The following SP3 variants were observed in gnomAD, a reference collection of about 807,000 sequenced individuals.
The protein encoded by SP3 is Sp3 transcription factor, also known as transcription factor Sp3.
A neutral mutation model predicts 70.3 loss-of-function variants in SP3; 10 were observed. The observed-to-expected ratio is 0.14, with a 90% CI of 0.09 to 0.24. The LOEUF is 0.24. Among genes scored for constraint, SP3 ranks in the 10% least tolerant of loss-of-function variants. SP3 has a pLI of 1.00. For missense variants in SP3, 825 were observed against 914.6 expected (o/e 0.90, Z 1.26); for synonymous variants, 402 against 333.5 (o/e 1.21, Z -2.24).
chr2:173,910,409 C>T (rs1213510056), intron 6 of SP3, 152 bp from the exon 7 acceptor site: 2 of 605,564 alleles, frequency 3.3e-6, no homozygotes, highest in Non-Finnish European at 5.7e-6. Flanking sequence ...GCTACCCCTG[C>T]CAGATTTCTC....
Position 173,918,606 on chromosome 2 carries a change from C to G in SP3, c.1819G>C (p.Glu607Gln). 1.2e-6 allele frequency: 2 copies of G among 1,613,292 alleles called. No homozygotes were observed. The highest frequency in any genetic ancestry group is 1.7e-6 in the Non-Finnish European group (2 of 1,179,482). ...ATGTATGCATACCTTCCACCACCTT[C>G]TTTACAGTTGGGACAGGTGCAAGCT... ...RVACTCPNCK[E>Q]GGGRGTNLGK... Residue 607 changes from glutamate to glutamine, a missense_variant, in exon 5 of 7, where the codon GAA (glutamate) becomes CAA (glutamine). Glu to Gln is a conservative substitution (Grantham distance 29). This residue lies in a region of SP3 where 37 missense variants were observed against 66.2 expected (regional missense o/e 0.56). Transcript: ENST00000310015.
At position 173,928,696 on chromosome 2, in the gene SP3, G is replaced by A. The variant is rs972590329; in HGVS notation, c.1640-9911C>T. On this transcript the variant is annotated intron_variant, in intron 4 of 6. Coordinates refer to ENST00000310015, the MANE Select transcript of SP3 (RefSeq NM_003111.5). ...AAGCTTCATTGTTTTCTATTTTCCC[G>A]TGTCTGCTACCTAAATCATCTCTGC... 2.6e-4 allele frequency among the ~76,000 whole-genome samples: 40 copies of A among 152,004 alleles called. 1 individual carries two copies. Among genetic ancestry groups the A allele is most frequent in the African/African-American group, 9.2e-4 (38 of 41,384 alleles).
At chr2:173,920,514 G>T (rs1046831640) in intron 4 of SP3, among the ~76,000 whole-genome samples, 1 of 152,042 alleles carries the variant, frequency 6.6e-6, no homozygotes, top group Non-Finnish European at 1.5e-5. Context: ...ATAGGGAAGG[G>T]TATGCATGTG....
At chr2:173,918,447 C>T in intron 5 of SP3, 146 bp downstream of exon 5, 2 of 738,344 alleles carry the variant, frequency 2.7e-6, no homozygotes, top group Non-Finnish European at 4.3e-6. Context: ...ATATTTTGTT[C>T]TCTAACTTCT....
At chr2:173,913,481 T>G (rs1256431866) in intron 5 of SP3, 1 of 340,872 alleles carries the variant, frequency 2.9e-6, no homozygotes, top group East Asian at 4.6e-5. Context: ...AGAATTAATG[T>G]GATTGTTGTC....
intron 4 of SP3, among the ~76,000 whole-genome samples, chr2:173,945,906 A>G (rs1296659222): frequency 6.6e-6 from 1 of 152,140 alleles, no homozygotes; most frequent in Non-Finnish European, 1.5e-5. Flanking sequence ...TGGACGGATC[A>G]TTTGAGGTCA....
chr2:173,904,143 C>T lies in SP3; in HGVS notation c.*5798G>A, dbSNP rs1402817660. Among the ~76,000 whole-genome samples, 2 of 152,152 alleles carry T rather than the reference C, an allele frequency of 1.3e-5. No individual in the cohort carries two copies. The highest frequency in any genetic ancestry group is 1.3e-4 in the Admixed American group (2 of 15,284). On this transcript the variant is annotated 3_prime_UTR_variant, in exon 7 of 7. Transcript: ENST00000310015. ...CCTATGAGAATCTAATGTTGTGGCT[C>T]ATCTGACAGGAGGCAGAGCTCAGGC...
intron 4 of SP3, among the ~76,000 whole-genome samples, chr2:173,930,939 C>T (rs1690049265): frequency 6.6e-6 from 1 of 152,076 alleles, no homozygotes; most frequent in Non-Finnish European, 1.5e-5. Context: ...TTTCATTTAA[C>T]CTAATATAGA....
intron 1 of SP3, 154 bp from the exon 2 acceptor site, chr2:173,964,707 TCCCTCCTCCCC>T: frequency 3.7e-6 from 1 of 270,510 alleles, no homozygotes; most frequent in Non-Finnish European, 6.4e-6. Flanking sequence ...CGGCGGCGGC[TCCCTCCTCCCC>T]TCCTGCTGCT....
chr2:173,951,241 T>C lies in SP3; in HGVS notation c.1639+3632A>G, dbSNP rs554408850. ...ATTAAAAACTAGTTTCTAAAAACTA[T>C]CTTTTATGTCTTCAGTAGTCTGTCA... On this transcript the variant is annotated intron_variant, in intron 4 of 6. Coordinates refer to ENST00000310015, the MANE Select transcript of SP3 (RefSeq NM_003111.5). Among the ~76,000 whole-genome samples, 27 of 152,326 alleles carry C rather than the reference T, an allele frequency of 1.8e-4. 1 individual carries two copies. In the South Asian group the frequency reaches 5.4e-3, roughly 30 times the overall value.
intron 3 of SP3, among the ~76,000 whole-genome samples, chr2:173,956,459 C>T (rs1389475860): frequency 6.6e-6 from 1 of 152,136 alleles, no homozygotes; most frequent in Non-Finnish European, 1.5e-5. Context: ...AAAAAATTCT[C>T]GGAATGTTCA....
chr2:173,947,043 T>C (rs2105489191), intron 4 of SP3, among the ~76,000 whole-genome samples: 1 of 152,278 alleles, frequency 6.6e-6, no homozygotes, highest in South Asian at 2.1e-4. Context: ...TCCTTGTAAG[T>C]AATCTGTCTT....
rs768398464 is a variant in SP3 at position 173,918,593 on chromosome 2, C to T, written c.1832G>A (p.Arg611Lys). The T allele has an allele frequency of 1.2e-6, 2 of 1,612,602 alleles. No individual in the cohort carries two copies. Among genetic ancestry groups the T allele is most frequent in the Non-Finnish European group, 1.7e-6 (2 of 1,179,198 alleles). Residue 611 changes from arginine to lysine, a missense_variant and splice_region_variant, in exon 5 of 7, where the codon AGA becomes AAA. Arg to Lys is a conservative substitution (Grantham distance 26, BLOSUM62 2). This residue lies in a region of SP3 where 37 missense variants were observed against 66.2 expected (regional missense o/e 0.56). Coordinates refer to ENST00000310015, the MANE Select transcript of SP3 (RefSeq NM_003111.5). ...TCPNCKEGGG[R>K]GTNLGKKKQH... ...ATATATGTGTTTCATGTATGCATAC[C>T]TTCCACCACCTTCTTTACAGTTGGG...
Position 173,964,278 on chromosome 2 carries a change from GGGGGA to G in SP3, c.156+122_156+126del. On this transcript the variant is annotated intron_variant, in intron 2 of 6. Transcript: ENST00000310015. ...CCTCGGGCGGGCAGCTCCCGGGGCGGGGGGAGGGGAGTGGAGGGGAGGGGAGAGAC... is the reference window on the plus strand; with the variant it reads ...CCTCGGGCGGGCAGCTCCCGGGGCGGGGGGAGTGGAGGGGAGGGGAGAGAC... The G allele has an allele frequency of 1.2e-5, 6 of 519,814 alleles. No homozygotes were observed. In the South Asian group the frequency reaches 1.4e-4, roughly 12 times the overall value. The allele number at this position is 519,814 out of a possible 1,614,324, so 32.2% of individuals were successfully genotyped here. A position where few individuals can be genotyped will look rare whatever the true frequency, so the allele number is the denominator to read the frequency against.
chr2:173,912,973 C>T (rs1424648783), intron 6 of SP3, 97 bp downstream of exon 6: 23 of 231,682 alleles, frequency 9.9e-5, no homozygotes, highest in Middle Eastern at 1.4e-3. Context: ...TATTTTAAAT[C>T]GATTCAGTTC....
chr2:173,934,526 C>CA (rs1439169679), intron 4 of SP3, among the ~76,000 whole-genome samples: 1 of 152,008 alleles, frequency 6.6e-6, no homozygotes, highest in African/African-American at 2.4e-5. Context: ...CACCAATTTT[C>CA]AAAAAGATTT....
Position 173,955,078 on chromosome 2 carries a change from T to G in SP3, c.1434A>C (p.Gln478His). 2 of 1,614,210 alleles carry G rather than the reference T, an allele frequency of 1.2e-6. No homozygotes were observed. The highest frequency in any genetic ancestry group is 2.2e-5 in the East Asian group (1 of 44,890). The change falls in exon 4 of 7, where the codon CAA (glutamine) becomes CAC (histidine). Residue 478 changes from glutamine to histidine, a missense_variant. Transcript: ENST00000310015. ...TTTGTTGGGCAGCAGTATTCTGTAT[T>G]TGCAAATTCTGCAAGTTCTGGACCC... ...VQGVQNLQNL[Q>H]IQNTAAQQIT...
Position 173,906,420 on chromosome 2 carries a change from T to C in SP3, c.*3521A>G, listed in dbSNP as rs1014833211. The C allele has an allele frequency of 3.9e-5, 6 of 152,214 alleles. No individual in the cohort carries two copies. Among genetic ancestry groups the C allele is most frequent in the Non-Finnish European group, 8.8e-5 (6 of 68,046 alleles). The allele number at this position is 152,214 out of a possible 1,614,324, so 9.4% of individuals were successfully genotyped here. A position where few individuals can be genotyped will look rare whatever the true frequency, so the allele number is the denominator to read the frequency against. ...TATCAATTAATTTGTTTTGTGCTTA[T>C]TGTCAGACAACAAAAGACTTAGTAC... On this transcript the variant is annotated 3_prime_UTR_variant, in exon 7 of 7. Coordinates refer to ENST00000310015, the MANE Select transcript of SP3 (RefSeq NM_003111.5).
intron 4 of SP3, among the ~76,000 whole-genome samples, chr2:173,954,144 C>T (rs1690803950): frequency 2.0e-5 from 3 of 152,164 alleles, no homozygotes; most frequent in Admixed American, 2.0e-4. Flanking sequence ...ACAAAACATT[C>T]AATCAAATGT....
Sources: allele counts gnomAD v4.1 joint callset (sites outside exome capture counted in the v4.1 genomes callset), GRCh38; gene constraint gnomAD v4.1.1; regional missense constraint gnomAD v4.1.1; transcripts MANE v1.5; gene names NCBI Gene and HGNC (gene_info 2026-07-23, HGNC 2026-07-21).